The following IAH1 variants were observed in gnomAD, a reference collection of about 807,000 sequenced individuals.
IAH1 encodes isoamyl acetate hydrolyzing esterase 1 (putative).
In IAH1, 24 loss-of-function variants were observed where a neutral mutation model predicts 26.7. The ratio of observed to expected loss-of-function variants is 0.90; its 90% CI spans 0.65 to 1.26. IAH1 has a LOEUF of 1.26. Among genes scored for constraint, IAH1 ranks in the 50% most tolerant of loss-of-function variants. IAH1 has a pLI of 0.00. For synonymous variants in IAH1, 140 were observed against 118.5 expected (o/e 1.18, Z -1.18); for missense variants, 300 against 299.9 (o/e 1.00, Z 0.00).
At chr2:9,502,468 G>A in the IAH1 span, among the ~76,000 whole-genome samples, 3 of 152,244 alleles carry the variant, frequency 2.0e-5, no homozygotes, top group East Asian at 1.9e-4. Flanking sequence ...CCTAATGTGC[G>A]TGAGGTCACA....
chr2:9,482,062 G>A (rs1661213594), intron 4 of IAH1, among the ~76,000 whole-genome samples: 1 of 140,972 alleles, frequency 7.1e-6, no homozygotes, highest in South Asian at 2.2e-4. Flanking sequence ...GATAGAGTCT[G>A]GCTCTGTCAG....
At chr2:9,487,536 G>C (rs1661587324) in intron 5 of IAH1, 1 of 152,162 alleles carries the variant, frequency 6.6e-6, no homozygotes, top group African/African-American at 2.4e-5. Context: ...TGAGGTCCCA[G>C]CTCACTTAAT....
the IAH1 span, chr2:9,505,241 T>G: frequency 6.2e-7 from 1 of 1,614,188 alleles, no homozygotes; most frequent in Non-Finnish European, 8.5e-7. Context: ...GATGCCAGGA[T>G]CACACTCTTC....
chr2:9,488,117 C>G, intron 5 of IAH1, 30 bp from the exon 6 acceptor site: 1 of 1,520,928 alleles, frequency 6.6e-7, no homozygotes, highest in Non-Finnish European at 8.9e-7. Context: ...GGCCAGTTAC[C>G]CACCTTTAAC....
At chr2:9,475,690 G>A (rs1336673109) in intron 1 of IAH1, 1 of 415,678 alleles carries the variant, frequency 2.4e-6, no homozygotes. Flanking sequence ...TAGTAGAGAC[G>A]GGGTTTCGCC....
In IAH1 at chr2:9,486,087, A is replaced by G. The variant is rs963156543; in HGVS notation, c.564+1537A>G. 6 of 152,276 alleles carry G rather than the reference A, an allele frequency of 3.9e-5. No homozygotes were observed. In the East Asian group the frequency reaches 1.2e-3, roughly 29 times the overall value. 9.4% of individuals were successfully genotyped at this position (152,276 alleles called of 1,614,324 possible). ...GCCAACTTTTTCCTCTCCCCTAAAT[A>G]TTAATCCATACCAATCGTTCCAATG... On this transcript the variant is annotated intron_variant, in intron 5 of 5. Coordinates refer to ENST00000497473, the MANE Select transcript of IAH1 (RefSeq NM_001039613.3).
At chr2:9,512,258 TAAAAAAAAATCTC>T in the IAH1 span, 1 of 151,498 alleles carries the variant, frequency 6.6e-6, no homozygotes, top group South Asian at 2.1e-4. Flanking sequence ...TAATGACTCT[TAAAAAAAAATCTC>T]AAAAATTTCA....
At chr2:9,495,897 A>G (rs1042681787) in intron 6 of IAH1, among the ~76,000 whole-genome samples, 5 of 147,564 alleles carry the variant, frequency 3.4e-5, no homozygotes, top group East Asian at 3.9e-4. Flanking sequence ...AGGTTTCACA[A>G]TGTTGCCCAG....
downstream of IAH1, among the ~76,000 whole-genome samples, chr2:9,497,712 G>A (rs1055369031): frequency 1.3e-5 from 2 of 152,052 alleles, no homozygotes; most frequent in African/African-American, 4.8e-5. Flanking sequence ...CTTCTACCTG[G>A]AATGCTGGTG....
chr2:9,491,976 G>A (rs369619105), downstream of IAH1, among the ~76,000 whole-genome samples: 16 of 152,300 alleles, frequency 1.1e-4, no homozygotes, highest in African/African-American at 3.6e-4. Flanking sequence ...CTTCAAGCAC[G>A]TCACCTTCAG....
chr2:9,503,700 G>A, the IAH1 span, among the ~76,000 whole-genome samples: 56 of 151,920 alleles, frequency 3.7e-4, 1 homozygote, highest in East Asian at 1.9e-4. Flanking sequence ...TTAGCTGGGC[G>A]TGGTGGTGCA....
chr2:9,501,301 G>C (rs1374317821), downstream of IAH1, among the ~76,000 whole-genome samples: 1 of 152,116 alleles, frequency 6.6e-6, no homozygotes, highest in Non-Finnish European at 1.5e-5. Flanking sequence ...CATGCTAATA[G>C]GACAGCAGGG....
intron 6 of IAH1, among the ~76,000 whole-genome samples, chr2:9,495,421 T>C (rs1189544060): frequency 6.6e-6 from 1 of 152,172 alleles, no homozygotes; most frequent in Non-Finnish European, 1.5e-5. Context: ...AAGAAAACCT[T>C]TTCAGAAAAG....
At chr2:9,490,957 G>A (rs1212901050), downstream of IAH1, 3 of 686,078 alleles carry the variant, frequency 4.4e-6, no homozygotes, top group Admixed American at 8.8e-5. Flanking sequence ...TGTCAGAAGG[G>A]TAAACATTCC....
At position 9,481,413 on chromosome 2, in the gene IAH1, TG is replaced by T. The variant is rs1322549601; in HGVS notation, c.412del (p.Glu138LysfsTer15). 6.2e-7 allele frequency: 1 copy of T among 1,614,108 alleles called. No individual in the cohort carries two copies. Among genetic ancestry groups the T allele is most frequent in the Admixed American group, 1.7e-5 (1 of 60,002 alleles). On this transcript the variant is annotated frameshift_variant, in exon 4 of 6. Transcript: ENST00000497473. LOFTEE classifies it high-confidence loss of function. The part of the protein sequence containing the change: ...VILITPTPLC[E>X]TAWEEQCIIQ... Reference sequence around the variant, plus strand: ...TTCTCATCACGCCGACCCCACTTTGTGAAACAGCCTGGGAAGAACAGTGCAT... The same window carrying T: ...TTCTCATCACGCCGACCCCACTTTGTAAACAGCCTGGGAAGAACAGTGCAT...
chr2:9,491,011 T>G (rs1662093837), downstream of IAH1: 1 of 1,178,560 alleles, frequency 8.5e-7, no homozygotes, highest in Admixed American at 2.0e-5. Flanking sequence ...CATCAGCCAG[T>G]GAAAGCTCTT....
At chr2:9,502,120 G>GAC in the IAH1 span, 9 of 1,443,598 alleles carry the variant, frequency 6.2e-6, no homozygotes, top group African/African-American at 4.2e-5. Flanking sequence ...GTTTTTCAAA[G>GAC]ACACACACAC....
intron 1 of IAH1, 125 bp from the exon 2 acceptor site, chr2:9,475,862 C>T: frequency 1.3e-6 from 1 of 762,580 alleles, no homozygotes; most frequent in South Asian, 1.6e-5. Context: ...AAATGACCTC[C>T]TGGAGTGAAG....
chr2:9,509,512 T>C, the IAH1 span, among the ~76,000 whole-genome samples: 1 of 152,196 alleles, frequency 6.6e-6, no homozygotes, highest in Non-Finnish European at 1.5e-5. Flanking sequence ...GATAGAGCTA[T>C]GAATAAGACA....
Sources: allele counts gnomAD v4.1 joint callset (sites outside exome capture counted in the v4.1 genomes callset), GRCh38; gene constraint gnomAD v4.1.1; transcripts MANE v1.5; gene names NCBI Gene and HGNC (gene_info 2026-07-23, HGNC 2026-07-21).